Variants in CDH18 observed in about 807,000 individuals in gnomAD.
The protein encoded by CDH18 is cadherin 18.
In CDH18, 31 loss-of-function variants were observed where a neutral mutation model predicts 67.9. The observed-to-expected ratio is 0.46, with a 90% CI of 0.34 to 0.62. The LOEUF (loss-of-function observed/expected upper bound fraction) is 0.62, where lower values mean the gene tolerates loss of function less well. Ranked by LOEUF, CDH18 falls within the 20% of genes least tolerant of loss-of-function variation. CDH18 has a pLI of 0.01. For synonymous variants in CDH18, 362 were observed against 347.2 expected, an observed-to-expected ratio of 1.04 and a Z score of -0.48; for missense variants, 890 against 975.5, an observed-to-expected ratio of 0.91 and a Z score of 1.17.
intron 5 of CDH18, among the ~76,000 whole-genome samples, chr5:19,702,109 G>A (rs927918886): frequency 3.4e-5 from 5 of 149,140 alleles, no homozygotes; most frequent in Non-Finnish European, 7.4e-5. Flanking sequence ...GAAGCTCCCC[G>A]CTACACTCTT....
intron 1 of CDH18, among the ~76,000 whole-genome samples, chr5:20,414,044 A>T (rs1747051487): frequency 2.0e-5 from 3 of 152,146 alleles, no homozygotes. Flanking sequence ...AAAAAACAAC[A>T]TATGTTGGCA....
chr5:20,396,054 A>G (rs375436607), intron 1 of CDH18, among the ~76,000 whole-genome samples: 48 of 152,298 alleles, frequency 3.2e-4, no homozygotes, highest in Admixed American at 4.6e-4. Context: ...CGTTTTCCTA[A>G]GTTCTGTGAG....
At chr5:20,157,711 T>C (rs977768857) in intron 2 of CDH18, among the ~76,000 whole-genome samples, 3 of 151,880 alleles carry the variant, frequency 2.0e-5, no homozygotes, top group Non-Finnish European at 2.9e-5. Context: ...GGCATGATCT[T>C]GGCTCACTGC....
chr5:19,536,203 A>T (rs1561291208), intron 9 of CDH18, among the ~76,000 whole-genome samples: 2 of 152,218 alleles, frequency 1.3e-5, no homozygotes. Context: ...AAAAAATACT[A>T]CAATGAAATG....
At chr5:20,203,221 G>A (rs1739589600) in intron 2 of CDH18, among the ~76,000 whole-genome samples, 1 of 152,126 alleles carries the variant, frequency 6.6e-6, no homozygotes, top group Non-Finnish European at 1.5e-5. Context: ...ACCTATCCAT[G>A]TTTCAATTCG....
chr5:19,683,103 C>CTCTATCTATCTATCTATCTATCTA (rs70950083), intron 5 of CDH18, among the ~76,000 whole-genome samples: 79 of 149,162 alleles, frequency 5.3e-4, no homozygotes, highest in Admixed American at 1.8e-3. Flanking sequence ...CAACATATAA[C>CTCTATCTATCTATCTATCTATCTA]TCTATCTATC....
chr5:19,890,457 G>T (rs1175947515), intron 2 of CDH18, among the ~76,000 whole-genome samples: 1 of 152,098 alleles, frequency 6.6e-6, no homozygotes, highest in Non-Finnish European at 1.5e-5. Flanking sequence ...CAATGGTCTT[G>T]TTGAATATAT....
intron 1 of CDH18, among the ~76,000 whole-genome samples, chr5:20,280,342 A>T (rs1746154583): frequency 6.6e-6 from 1 of 151,994 alleles, no homozygotes; most frequent in Admixed American, 6.6e-5. Context: ...TTTATCTCCT[A>T]ATGCTATCCC....
intron 1 of CDH18, among the ~76,000 whole-genome samples, chr5:20,302,488 T>G (rs1313121882): frequency 6.6e-6 from 1 of 152,144 alleles, no homozygotes; most frequent in Admixed American, 6.5e-5. Flanking sequence ...CACCTCTCTC[T>G]GCGCGGATTC....
At chr5:19,672,233 T>C (rs1758848265) in intron 5 of CDH18, among the ~76,000 whole-genome samples, 2 of 152,060 alleles carry the variant, frequency 1.3e-5, no homozygotes, top group South Asian at 4.1e-4. Context: ...AAAGGCAGAG[T>C]TTGCTGCACA....
At chr5:19,804,288 C>A (rs549355035) in intron 3 of CDH18, among the ~76,000 whole-genome samples, 30 of 147,698 alleles carry the variant, frequency 2.0e-4, no homozygotes, top group African/African-American at 6.6e-4. Context: ...GGGGACAGAG[C>A]GAGATTCCAT....
intron 1 of CDH18, among the ~76,000 whole-genome samples, chr5:20,533,888 T>G (rs1350818960): frequency 1.3e-5 from 2 of 152,056 alleles, no homozygotes; most frequent in Non-Finnish European, 2.9e-5. Flanking sequence ...AATTAAAATT[T>G]TATATTAATC....
At chr5:20,118,462 G>A (rs962764472) in intron 2 of CDH18, among the ~76,000 whole-genome samples, 7 of 151,886 alleles carry the variant, frequency 4.6e-5, no homozygotes, top group Admixed American at 1.3e-4. Flanking sequence ...TATTTACTAC[G>A]CTTACCTGTT....
At chr5:19,628,766 A>G (rs79087998) in intron 5 of CDH18, among the ~76,000 whole-genome samples, 106 of 152,266 alleles carry the variant, frequency 7.0e-4, no homozygotes, top group African/African-American at 2.0e-3. Flanking sequence ...AAATAGTAAT[A>G]TAAATATGAC....
intron 2 of CDH18, among the ~76,000 whole-genome samples, chr5:20,250,533 C>A (rs552678948): frequency 2.7e-5 from 4 of 149,186 alleles, no homozygotes; most frequent in African/African-American, 9.9e-5. Context: ...CCTCGTGATC[C>A]GCCCACCTCA....
chr5:19,547,038 T>C (rs1004741908), intron 8 of CDH18, among the ~76,000 whole-genome samples: 20 of 152,192 alleles, frequency 1.3e-4, no homozygotes, highest in African/African-American at 4.6e-4. Context: ...GAAATCTGTA[T>C]GTCACTGGGG....
intron 2 of CDH18, among the ~76,000 whole-genome samples, chr5:20,093,109 C>T (rs572185944): frequency 2.6e-4 from 40 of 152,194 alleles, no homozygotes; most frequent in Admixed American, 2.6e-4. Context: ...TGCTGGCACA[C>T]ACCTGCATTC....
intron 2 of CDH18, among the ~76,000 whole-genome samples, chr5:19,962,364 T>C (rs371157767): frequency 6.2e-5 from 1 of 16,242 alleles, no homozygotes; most frequent in Non-Finnish European, 1.6e-4. Context: ...ATTTAGAGAA[T>C]AAACGTCAAA....
chr5:19,859,196 G>A (rs1784611654), intron 2 of CDH18, among the ~76,000 whole-genome samples: 1 of 152,080 alleles, frequency 6.6e-6, no homozygotes, highest in South Asian at 2.1e-4. Flanking sequence ...AGGCCATGAT[G>A]GGAAGTAGGG....
Sources: allele counts gnomAD v4.1 joint callset (sites outside exome capture counted in the v4.1 genomes callset), GRCh38; gene constraint gnomAD v4.1.1; transcripts MANE v1.5; gene names NCBI Gene and HGNC (gene_info 2026-07-23, HGNC 2026-07-21).